Variants in THSD7A observed in about 807,000 individuals in gnomAD.
The protein encoded by THSD7A is thrombospondin type-1 domain-containing protein 7A.
A neutral mutation model predicts 231.3 loss-of-function variants in THSD7A; 96 were observed. The ratio of observed to expected loss-of-function variants is 0.41; its 90% CI spans 0.35 to 0.49. THSD7A has a LOEUF of 0.49. THSD7A is among the 20% of genes least tolerant of loss of function. The pLI, the probability that THSD7A is intolerant of heterozygous loss-of-function variation, is 0.05. For missense variants in THSD7A, 2,290 were observed against 2,070.2 expected (o/e 1.11, Z -2.06); for synonymous variants, 940 against 743.3 (o/e 1.26, Z -4.30).
chr7:11,831,811 T>A lies in THSD7A; in HGVS notation c.136A>T (p.Arg46Trp). The change falls in exon 1 of 28, where the codon AGG (arginine) becomes TGG (tryptophan). Residue 46 changes from arginine to tryptophan, a missense_variant. Physicochemically the swap from Arg to Trp is moderately radical, Grantham distance 101. Coordinates refer to ENST00000423059, the MANE Select transcript of THSD7A (RefSeq NM_015204.3). This position sits in a 1 kb window ranked among gnomAD's most constrained non-coding sequence, Gnocchi z 5.0. ...LLLLLRPGAGRAAAQGEAEAP... is the reference protein window; with the variant it reads ...LLLLLRPGAGWAAAQGEAEAP... The stretch of plus-strand genomic sequence containing the variant: ...TCCGCCTCGCCCTGCGCCGCAGCCC[T>A]GCCGGCGCCCGGGCGTAGCAGCAGC... 6.9e-7 allele frequency: 1 copy of A among 1,453,096 alleles called. No homozygotes were observed. Among genetic ancestry groups the A allele is most frequent in the Non-Finnish European group, 9.1e-7 (1 of 1,098,846 alleles). 90.0% of individuals were successfully genotyped at this position (1,453,096 alleles called of 1,614,324 possible).
At chr7:11,741,062 C>T (rs1161677473) in intron 1 of THSD7A, among the ~76,000 whole-genome samples, 1 of 151,782 alleles carries the variant, frequency 6.6e-6, no homozygotes, top group Non-Finnish European at 1.5e-5. Flanking sequence ...TGCTAGGTAC[C>T]TGTTAATCGA....
chr7:11,551,369 T>A (rs941592807), intron 4 of THSD7A, among the ~76,000 whole-genome samples: 12 of 152,094 alleles, frequency 7.9e-5, no homozygotes, highest in Non-Finnish European at 2.9e-5. Flanking sequence ...AAAGAGCTAC[T>A]TCTGCACAGC....
intron 1 of THSD7A, among the ~76,000 whole-genome samples, chr7:11,792,246 G>T (rs1783975702): frequency 6.6e-6 from 1 of 151,940 alleles, no homozygotes. Flanking sequence ...TGATCAGTCT[G>T]CTGGTAATAG....
intron 1 of THSD7A, among the ~76,000 whole-genome samples, chr7:11,733,878 A>G (rs188988175): frequency 1.3e-5 from 2 of 152,032 alleles, no homozygotes; most frequent in Middle Eastern, 3.4e-3. Context: ...TAATGACACT[A>G]TGGATTGCAA....
At chr7:11,642,569 G>A (rs1018793464) in intron 1 of THSD7A, among the ~76,000 whole-genome samples, 15 of 152,086 alleles carry the variant, frequency 9.9e-5, no homozygotes, top group African/African-American at 3.6e-4. Context: ...AACACTGGAT[G>A]TCTTATTTCA....
intron 4 of THSD7A, among the ~76,000 whole-genome samples, chr7:11,564,391 C>G (rs1251407563): frequency 1.3e-5 from 2 of 152,182 alleles, no homozygotes; most frequent in Non-Finnish European, 1.5e-5. Flanking sequence ...GGTCTGCTGC[C>G]TGAATGCTGC....
intron 16 of THSD7A, among the ~76,000 whole-genome samples, chr7:11,424,077 A>G (rs1217350339): frequency 6.6e-6 from 1 of 152,120 alleles, no homozygotes; most frequent in Non-Finnish European, 1.5e-5. Flanking sequence ...TACAAAAAAT[A>G]CTGTATGTCT....
At chr7:11,419,231 C>A (rs1784060339) in intron 16 of THSD7A, among the ~76,000 whole-genome samples, 1 of 152,086 alleles carries the variant, frequency 6.6e-6, no homozygotes, top group Non-Finnish European at 1.5e-5. Context: ...TGTGTGTCCC[C>A]ACCCAAATCT....
intron 6 of THSD7A, among the ~76,000 whole-genome samples, chr7:11,511,758 C>T (rs1311687066): frequency 6.6e-6 from 1 of 152,174 alleles, no homozygotes; most frequent in African/African-American, 2.4e-5. Flanking sequence ...TGGATCCCTT[C>T]CTTAAACCTT....
Position 11,389,421 on chromosome 7 carries a change from CTTTTTTTTTTTTTTTTTTTTTTTTTT to C in THSD7A, c.4412-6831_4412-6806del, listed in dbSNP as rs57755425. On this transcript the variant is annotated intron_variant, in intron 23 of 27. Coordinates refer to ENST00000423059, the MANE Select transcript of THSD7A (RefSeq NM_015204.3). The stretch of plus-strand genomic sequence containing the variant: ...TCAGAGACTAGAATTGCAACTCCTG[CTTTTTTTTTTTTTTTTTTTTTTTTTT>C]TTTTTTTTTTTTTGCTATTTGCTTG... Among the ~76,000 whole-genome samples, 57 of 37,612 alleles carry C rather than the reference CTTTTTTTTTTTTTTTTTTTTTTTTTT, an allele frequency of 1.5e-3. 1 individual carries two copies. The highest frequency in any genetic ancestry group is 0.045 in the Middle Eastern group (2 of 44). The allele number at this position is 37,612 out of a possible 152,430, so 24.7% of individuals were successfully genotyped here.
At chr7:11,561,068 A>G (rs973917690) in intron 4 of THSD7A, among the ~76,000 whole-genome samples, 38 of 152,232 alleles carry the variant, frequency 2.5e-4, no homozygotes, top group African/African-American at 9.1e-4. Context: ...TCAATTACAT[A>G]GCTGAGAAAG....
intron 9 of THSD7A, among the ~76,000 whole-genome samples, chr7:11,466,700 T>C (rs1484317648): frequency 6.6e-6 from 1 of 152,080 alleles, no homozygotes; most frequent in Non-Finnish European, 1.5e-5. Flanking sequence ...CCGGATGACA[T>C]GACCTGTGTT....
intron 2 of THSD7A, among the ~76,000 whole-genome samples, chr7:11,597,223 G>T (rs1465551875): frequency 6.6e-6 from 1 of 152,148 alleles, no homozygotes; most frequent in Non-Finnish European, 1.5e-5. Context: ...AGTGGTGTGG[G>T]GCCTGTCAAG....
intron 2 of THSD7A, among the ~76,000 whole-genome samples, chr7:11,604,602 T>G (rs189072281): frequency 6.0e-4 from 92 of 152,268 alleles, no homozygotes; most frequent in Non-Finnish European, 1.1e-3. Context: ...GAAATGAAAT[T>G]TAAATGTTTT....
At chr7:11,588,617 G>GA (rs1780015812) in intron 4 of THSD7A, among the ~76,000 whole-genome samples, 1 of 151,924 alleles carries the variant, frequency 6.6e-6, no homozygotes, top group Non-Finnish European at 1.5e-5. Context: ...AGTGGTTGGG[G>GA]GGAGCTCTAA....
rs531270194 is a variant in THSD7A at position 11,457,465 on chromosome 7, A to C, written c.2605+3197T>G. 2.8e-4 allele frequency among the ~76,000 whole-genome samples: 42 copies of C among 152,120 alleles called. 1 individual carries two copies. The South Asian group carries it at 8.5e-3, about 31-fold the overall frequency. The stretch of plus-strand genomic sequence containing the variant: ...AAATATTTCCCTCTATCGTATGTCC[A>C]CAATTTATTTATTTTTGCCTATTTC... On this transcript the variant is annotated intron_variant, in intron 11 of 27. Coordinates refer to ENST00000423059, the MANE Select transcript of THSD7A (RefSeq NM_015204.3).
intron 1 of THSD7A, among the ~76,000 whole-genome samples, chr7:11,750,912 G>A (rs530136612): frequency 2.0e-5 from 3 of 152,098 alleles, no homozygotes; most frequent in African/African-American, 7.2e-5. Context: ...GAGTCACTGA[G>A]TTTAATCTAT....
At chr7:11,787,389 A>T (rs1198586239) in intron 1 of THSD7A, among the ~76,000 whole-genome samples, 1 of 152,090 alleles carries the variant, frequency 6.6e-6, no homozygotes, top group Non-Finnish European at 1.5e-5. Flanking sequence ...GCACAATCCA[A>T]AAAAGAAATA....
chr7:11,759,389 A>C (rs1373878910), intron 1 of THSD7A, among the ~76,000 whole-genome samples: 1 of 152,078 alleles, frequency 6.6e-6, no homozygotes, highest in Non-Finnish European at 1.5e-5. Context: ...GATGAGATAC[A>C]GGAGAAGAGA....
Sources: gnomAD v4.1 joint callset for allele counts (sites outside exome capture counted in the v4.1 genomes callset) on GRCh38, gnomAD v4.1.1 for gene constraint, Gnocchi (gnomAD v3.1) non-coding constraint, MANE v1.5 for transcripts, NCBI Gene and HGNC (gene_info 2026-07-23, HGNC 2026-07-21) for gene names.